CNOT11: variants seen among roughly 807,000 people sequenced by gnomAD.
CNOT11 encodes the protein UPF0760 protein C2orf29.
CNOT11 carries 18 observed loss-of-function variants against 44.6 expected under a neutral mutation model. That is an observed-to-expected ratio of 0.40 (90% confidence interval 0.28 to 0.60). The LOEUF (loss-of-function observed/expected upper bound fraction) is 0.60. CNOT11 is among the 20% of genes least tolerant of loss of function. CNOT11 has a pLI of 0.38. For synonymous variants in CNOT11, 291 were observed against 270.9 expected, an observed-to-expected ratio of 1.07 and a Z score of -0.73; for missense variants, 513 against 677.0, an observed-to-expected ratio of 0.76 and a Z score of 2.69.
chr2:101,262,422 C>G, intron 2 of CNOT11, 117 bp from the exon 3 acceptor site: 1 of 875,260 alleles, frequency 1.1e-6, no homozygotes, highest in Non-Finnish European at 1.8e-6. Context: ...CATTTTCTCT[C>G]TCTCTCTGAA....
intron 1 of CNOT11, among the ~76,000 whole-genome samples, chr2:101,254,649 A>T (rs1197946364): frequency 6.6e-6 from 1 of 151,862 alleles, no homozygotes; most frequent in African/African-American, 2.4e-5. Flanking sequence ...TGGAGGCCGA[A>T]GTGGTGGAGG....
Position 101,257,794 on chromosome 2 carries a change from T to A in CNOT11, c.518T>A (p.Phe173Tyr), listed in dbSNP as rs1415485392. The A allele has an allele frequency of 6.2e-7, 1 of 1,604,728 alleles. No individual in the cohort carries two copies. The highest frequency in any genetic ancestry group is 8.5e-7 in the Non-Finnish European group (1 of 1,176,088). ...QEPDRPPLSG[F>Y]LPPITPPEKF... is the part of the protein sequence containing the mutation. ...CGTTATACATTTTTGTTTGCAGGAT[T>A]TTTACCTCCTATAACTCCACCAGAA... The change falls in exon 2 of 7, where the codon TTT (phenylalanine) becomes TAT (tyrosine). Residue 173 changes from phenylalanine to tyrosine, a missense_variant. Coordinates refer to ENST00000289382, the MANE Select transcript of CNOT11 (RefSeq NM_017546.5).
chr2:101,254,844 G>A (rs1681703446), intron 1 of CNOT11, among the ~76,000 whole-genome samples: 1 of 151,788 alleles, frequency 6.6e-6, no homozygotes, highest in African/African-American at 2.4e-5. Context: ...GCTGCAGTGA[G>A]TTAGGGTGAC....
At chr2:101,265,543 A>G (rs569927599) in intron 4 of CNOT11, among the ~76,000 whole-genome samples, 3 of 152,200 alleles carry the variant, frequency 2.0e-5, no homozygotes, top group Admixed American at 6.5e-5. Flanking sequence ...CTCTTTGGTA[A>G]TTTTGCTGTG....
chr2:101,266,987 CTATT>C (rs1460001322), intron 5 of CNOT11, 108 bp downstream of exon 5: 2 of 753,966 alleles, frequency 2.7e-6, no homozygotes, highest in African/African-American at 3.5e-5. Context: ...GTAAGATTAA[CTATT>C]AAAGAAATAA....
At chr2:101,265,170 G>GT in intron 4 of CNOT11, 123 bp downstream of exon 4, 1 of 568,730 alleles carries the variant, frequency 1.8e-6, no homozygotes, top group Non-Finnish European at 2.9e-6. Flanking sequence ...GCACGATCTC[G>GT]GCTCACTGCA....
At position 101,253,582 on chromosome 2, in the gene CNOT11, GA is replaced by G; in HGVS notation, c.514+107del. ...TGAAAGGGAAATTAACTATCCCTGT[GA>G]AATGATCATCCTCTTTTTCCGCCTC... On this transcript the variant is annotated intron_variant, in intron 1 of 6. Coordinates refer to ENST00000289382, the MANE Select transcript of CNOT11 (RefSeq NM_017546.5). This position sits in a 1 kb window ranked among gnomAD's most constrained non-coding sequence, Gnocchi z 4.3. 1 of 1,044,486 alleles carries G rather than the reference GA, an allele frequency of 9.6e-7. No individual in the cohort carries two copies. The highest frequency in any genetic ancestry group is 1.9e-5 in the South Asian group (1 of 53,116). 64.7% of individuals were successfully genotyped at this position (1,044,486 alleles called of 1,614,324 possible).
chr2:101,252,909 A>T lies in CNOT11; in HGVS notation c.-56A>T, dbSNP rs1156759648. 1 of 1,379,176 alleles carries T rather than the reference A, an allele frequency of 7.3e-7. No homozygotes were observed. 85.4% of individuals were successfully genotyped at this position (1,379,176 alleles called of 1,614,324 possible). ...GCGCGCTTTACGGCCGCGGGGACGGAGCGAGCCGGCGCCAGGGCCCCTCGG... is the reference window on the plus strand; with the variant it reads ...GCGCGCTTTACGGCCGCGGGGACGGTGCGAGCCGGCGCCAGGGCCCCTCGG... On this transcript the variant is annotated 5_prime_UTR_variant, in exon 1 of 7. Coordinates refer to ENST00000289382, the MANE Select transcript of CNOT11 (RefSeq NM_017546.5).
At chr2:101,265,675 G>A (rs1009903221) in intron 4 of CNOT11, among the ~76,000 whole-genome samples, 7 of 152,174 alleles carry the variant, frequency 4.6e-5, no homozygotes, top group African/African-American at 1.2e-4. Context: ...CAATGGTTAC[G>A]TTTGAGCTGA....
intron 1 of CNOT11, among the ~76,000 whole-genome samples, chr2:101,257,257 G>T (rs894121603): frequency 6.6e-6 from 1 of 151,982 alleles, no homozygotes; most frequent in African/African-American, 2.4e-5. Context: ...GCTGGGCATG[G>T]TGGCAGGTGC....
intron 2 of CNOT11, 152 bp from the exon 3 acceptor site, chr2:101,262,387 C>T: frequency 1.6e-6 from 1 of 624,074 alleles, no homozygotes; most frequent in South Asian, 2.4e-5. Flanking sequence ...TAAGTGAGGA[C>T]CTGCTATACG....
Position 101,269,271 on chromosome 2 carries a change from T to C in CNOT11, c.1391T>C (p.Ile464Thr), listed in dbSNP as rs765636631. The C allele has an allele frequency of 6.2e-7, 1 of 1,614,040 alleles. No homozygotes were observed. The highest frequency in any genetic ancestry group is 8.5e-7 in the Non-Finnish European group (1 of 1,179,998). Residue 464 changes from isoleucine (I) to threonine (T), a missense_variant, in exon 7 of 7, where the codon ATT becomes ACT. By Grantham distance (89) the Ile-to-Thr change is moderately conservative. Coordinates refer to ENST00000289382, the MANE Select transcript of CNOT11 (RefSeq NM_017546.5). This position sits in a 1 kb window ranked among gnomAD's most constrained non-coding sequence, Gnocchi z 4.8. ...CTCCAATCCTTGATCCGTAACAAAA[T>C]TATTAATGTACAGGATTTGTTTATA... ...VFLQSLIRNK[I>T]INVQDLFIEV...
Position 101,266,817 on chromosome 2 carries a change from T to G in CNOT11, c.1176T>G (p.Thr392=). The change falls in exon 5 of 7, where the codon ACT becomes ACG. Residue 392 remains threonine, a synonymous_variant. Coordinates refer to ENST00000289382, the MANE Select transcript of CNOT11 (RefSeq NM_017546.5). ...LLKLMQSSQI[T]EYFSVLVNMD... Reference sequence around the variant, plus strand: ...AATTAATGCAGTCAAGCCAGATCACTGAGTATTTCTCTGTCCTGGTCAATA... The same window carrying G: ...AATTAATGCAGTCAAGCCAGATCACGGAGTATTTCTCTGTCCTGGTCAATA... 3 of 1,614,008 alleles carry G rather than the reference T, an allele frequency of 1.9e-6. No individual in the cohort carries two copies. The highest frequency in any genetic ancestry group is 2.5e-6 in the Non-Finnish European group (3 of 1,179,844).
chr2:101,253,324 C>G lies in CNOT11; in HGVS notation c.360C>G (p.Ser120Arg), dbSNP rs1334438795. Reference protein sequence around the residue: ...MLLQQPDLLPSAAQRLTALYL... With the variant: ...MLLQQPDLLPRAAQRLTALYL... Reference sequence around the variant, plus strand: ...TCCAGCAGCCCGACCTGCTGCCTAGCGCGGCGCAGCGCCTCACGGCGCTCT... The same window carrying G: ...TCCAGCAGCCCGACCTGCTGCCTAGGGCGGCGCAGCGCCTCACGGCGCTCT... Residue 120 changes from serine to arginine, a missense_variant, in exon 1 of 7, where the codon AGC (serine) becomes AGG (arginine). Physicochemically the swap from Ser to Arg is moderately radical, Grantham distance 110 (BLOSUM62 -1). Transcript: ENST00000289382. This position sits in a 1 kb window ranked among gnomAD's most constrained non-coding sequence, Gnocchi z 4.3. 1.9e-6 allele frequency: 3 copies of G among 1,606,442 alleles called. No homozygotes were observed. The highest frequency in any genetic ancestry group is 2.5e-6 in the Non-Finnish European group (3 of 1,179,150).
At chr2:101,254,526 CCTG>C (rs1681696406) in intron 1 of CNOT11, among the ~76,000 whole-genome samples, 1 of 152,118 alleles carries the variant, frequency 6.6e-6, no homozygotes, top group African/African-American at 2.4e-5. Flanking sequence ...AGGTACTTAA[CCTG>C]CTTCTAAGAA....
chr2:101,268,568 T>C (rs542732681), intron 5 of CNOT11, among the ~76,000 whole-genome samples: 1 of 152,298 alleles, frequency 6.6e-6, no homozygotes, highest in African/African-American at 2.4e-5. Context: ...TACATCCTCA[T>C]GCCTTATTGA....
rs146495263 is a variant in CNOT11 at position 101,256,997 on chromosome 2, C to T, written c.515-794C>T. ...CCAGGAGGCAGAGCTTGCAGTGAGC[C>T]GAGATTGCACCACTGCACTCCAGCC... On this transcript the variant is annotated intron_variant, in intron 1 of 6. Coordinates refer to ENST00000289382, the MANE Select transcript of CNOT11 (RefSeq NM_017546.5). Among the ~76,000 whole-genome samples the T allele has an allele frequency of 5.2e-3, 781 of 151,402 alleles. 3 individuals are homozygous for T. The highest frequency in any genetic ancestry group is 0.016 in the African/African-American group (651 of 41,188).
rs1187769309 is a variant in CNOT11, at chr2:101,270,139, G to A, written c.*726G>A. On this transcript the variant is annotated 3_prime_UTR_variant, in exon 7 of 7. Coordinates refer to ENST00000289382, the MANE Select transcript of CNOT11 (RefSeq NM_017546.5). ...TGAGACAGCCATTTTTTTGTTTTAA[G>A]GAAAAATATCAGTCAGTGCTCCGGG... 1 of 151,750 alleles carries A rather than the reference G, an allele frequency of 6.6e-6. No homozygotes were observed. Among genetic ancestry groups the A allele is most frequent in the African/African-American group, 2.4e-5 (1 of 41,090 alleles). The allele number at this position is 151,750 out of a possible 1,614,324, so 9.4% of individuals were successfully genotyped here. A position where few individuals can be genotyped will look rare whatever the true frequency, so the allele number is the denominator to read the frequency against.
chr2:101,269,485 C>A lies in CNOT11; in HGVS notation c.*72C>A. The A allele has an allele frequency of 7.4e-7, 1 of 1,348,086 alleles. No homozygotes were observed. The highest frequency in any genetic ancestry group is 1.4e-5 in the African/African-American group (1 of 69,194). 83.5% of individuals were successfully genotyped at this position (1,348,086 alleles called of 1,614,324 possible). ...GATTTAGTTTTTACACCGTTAAAAC[C>A]CTGAGTGGATTGCTTGGTTTAATGC... On this transcript the variant is annotated 3_prime_UTR_variant, in exon 7 of 7. Coordinates refer to ENST00000289382, the MANE Select transcript of CNOT11 (RefSeq NM_017546.5). The surrounding 1 kb of genome is among the most constrained non-coding windows in gnomAD (Gnocchi z 4.8).
Sources: allele counts gnomAD v4.1 joint callset (sites outside exome capture counted in the v4.1 genomes callset), GRCh38; gene constraint gnomAD v4.1.1; non-coding constraint Gnocchi (gnomAD v3.1); transcripts MANE v1.5; gene names NCBI Gene and HGNC (gene_info 2026-07-23, HGNC 2026-07-21).